Variants in GABRB3 observed in about 807,000 individuals in gnomAD.
The protein encoded by GABRB3 is gamma-aminobutyric acid type A receptor subunit beta3, also known as gamma-aminobutyric acid receptor subunit beta-3.
GABRB3 carries 14 observed loss-of-function variants against 52.1 expected under a neutral mutation model. The ratio of observed to expected loss-of-function variants is 0.27; its 90% CI spans 0.18 to 0.42. The LOEUF (loss-of-function observed/expected upper bound fraction) is 0.42, where lower values mean the gene tolerates loss of function less well. Among genes scored for constraint, GABRB3 ranks in the 10% least tolerant of loss-of-function variants. The probability of loss-of-function intolerance (pLI) is 1.00; values close to 1 mark genes in which losing one functional copy is unlikely to be tolerated. For missense variants in GABRB3, 307 were observed against 609.1 expected (o/e 0.50, Z 5.22); for synonymous variants, 260 against 232.3 (o/e 1.12, Z -1.08).
chr15:26,745,982 G>C (rs1036213082), intron 3 of GABRB3, among the ~76,000 whole-genome samples: 1 of 152,182 alleles, frequency 6.6e-6, no homozygotes. Flanking sequence ...CAATTGCTGG[G>C]TTGTAAGGTA....
chr15:26,760,801 A>ACGCG (rs1890796158), intron 3 of GABRB3, among the ~76,000 whole-genome samples: 2 of 96,924 alleles, frequency 2.1e-5, no homozygotes, highest in South Asian at 9.8e-4. Flanking sequence ...ACACACACAC[A>ACGCG]CGCGCACGCA....
intron 4 of GABRB3, among the ~76,000 whole-genome samples, chr15:26,585,648 T>C (rs2140743689): frequency 6.6e-6 from 1 of 152,358 alleles, no homozygotes; most frequent in Non-Finnish European, 1.5e-5. Flanking sequence ...GCATGCACCA[T>C]GCAGACATCA....
chr15:26,685,406 A>G (rs1440957202), intron 3 of GABRB3, among the ~76,000 whole-genome samples: 1 of 152,238 alleles, frequency 6.6e-6, no homozygotes, highest in East Asian at 1.9e-4. Context: ...ATGGGAAGAC[A>G]TAAAGATAGG....
At chr15:26,683,773 T>C (rs1271740641) in intron 3 of GABRB3, among the ~76,000 whole-genome samples, 1 of 151,966 alleles carries the variant, frequency 6.6e-6, no homozygotes, top group East Asian at 1.9e-4. Flanking sequence ...TAAAACTATA[T>C]AGGATTATAC....
intron 4 of GABRB3, among the ~76,000 whole-genome samples, chr15:26,591,149 T>A (rs748211314): frequency 1.3e-5 from 2 of 152,180 alleles, no homozygotes; most frequent in African/African-American, 4.8e-5. Flanking sequence ...GAGATGCTCA[T>A]TAACAACCCA....
intron 3 of GABRB3, among the ~76,000 whole-genome samples, chr15:26,626,871 G>A (rs1892716839): frequency 1.3e-5 from 2 of 152,246 alleles, no homozygotes; most frequent in South Asian, 4.1e-4. Context: ...AATCACTGAT[G>A]AAGGTGGTTA....
intron 3 of GABRB3, among the ~76,000 whole-genome samples, chr15:26,711,685 G>C (rs1282417597): frequency 6.6e-6 from 1 of 152,132 alleles, no homozygotes; most frequent in Non-Finnish European, 1.5e-5. Context: ...ACCAACCTGA[G>C]CTCCTGCCTG....
intron 3 of GABRB3, among the ~76,000 whole-genome samples, chr15:26,755,956 T>C (rs8032017): frequency 0.092 from 13,981 of 152,168 alleles, 911 homozygotes; most frequent in East Asian, 0.28. Flanking sequence ...CAAGGGAATA[T>C]TATACAGCCC....
intron 3 of GABRB3, among the ~76,000 whole-genome samples, chr15:26,694,477 CAAAGACAAAAGA>C (rs886485236): frequency 6.6e-6 from 1 of 152,114 alleles, no homozygotes; most frequent in Non-Finnish European, 1.5e-5. Context: ...TAGAGAAGCC[CAAAGACAAAAGA>C]GAAGACAAAA....
chr15:26,715,758 C>T lies in GABRB3; in HGVS notation c.240+56644G>A, dbSNP rs1008899700. On this transcript the variant is annotated intron_variant, in intron 3 of 8. Transcript: ENST00000311550. ...GTAGATTACTCTGATGCATCCCGTG[C>T]CTGAATCATCTGTTGTCTTGTGTGC... 5.3e-5 allele frequency among the ~76,000 whole-genome samples: 8 copies of T among 152,090 alleles called. No individual in the cohort carries two copies. The East Asian group carries it at 1.4e-3, about 26-fold the overall frequency.
chr15:26,703,256 G>A (rs1403966252), intron 3 of GABRB3, among the ~76,000 whole-genome samples: 1 of 152,148 alleles, frequency 6.6e-6, no homozygotes, highest in South Asian at 2.1e-4. Context: ...ACCGGCACCT[G>A]GTGGGGGCCT....
chr15:26,773,399 T>G (rs1334309826), upstream of GABRB3, among the ~76,000 whole-genome samples: 6 of 150,856 alleles, frequency 4.0e-5, no homozygotes, highest in Admixed American at 4.0e-4. Flanking sequence ...GGTCGTCCCC[T>G]GAGCCGGCTC....
chr15:26,568,757 C>A (rs1427090504), intron 6 of GABRB3, among the ~76,000 whole-genome samples: 1 of 151,454 alleles, frequency 6.6e-6, no homozygotes, highest in Non-Finnish European at 1.5e-5. Flanking sequence ...CTTTGTGATC[C>A]ACCCACCTCG....
Position 26,561,315 on chromosome 15 carries a change from A to G in GABRB3, c.836-139T>C, listed in dbSNP as rs1350999623. On this transcript the variant is annotated intron_variant, in intron 7 of 8. Coordinates refer to ENST00000311550, the MANE Select transcript of GABRB3 (RefSeq NM_000814.6). ...AATACTGTGGGGTGACTGGAATGCA[A>G]CAGAGCATACATCTTGTCATTTGCA... 16 of 1,163,934 alleles carry G rather than the reference A, an allele frequency of 1.4e-5. No individual in the cohort carries two copies. The East Asian group carries it at 3.5e-4, about 26-fold the overall frequency. The allele number at this position is 1,163,934 out of a possible 1,614,324, so 72.1% of individuals were successfully genotyped here.
At chr15:26,571,980 A>G (rs533063820) in intron 6 of GABRB3, among the ~76,000 whole-genome samples, 4 of 140,236 alleles carry the variant, frequency 2.9e-5, no homozygotes, top group African/African-American at 1.0e-4. Context: ...TGGGAGGCGG[A>G]GGTTGCAGTG....
intron 3 of GABRB3, among the ~76,000 whole-genome samples, chr15:26,681,497 T>C (rs1045312176): frequency 3.9e-5 from 6 of 152,168 alleles, no homozygotes; most frequent in South Asian, 2.1e-4. Flanking sequence ...AAAAGTCCCT[T>C]TGTCCCTCCT....
At chr15:26,714,180 G>A (rs993311637) in intron 3 of GABRB3, among the ~76,000 whole-genome samples, 3 of 152,224 alleles carry the variant, frequency 2.0e-5, no homozygotes, top group African/African-American at 7.2e-5. Context: ...TTCTTCCCTT[G>A]TAAAAAGAGC....
chr15:26,756,196 GCAGT>G (rs1441631063), intron 3 of GABRB3, among the ~76,000 whole-genome samples: 1 of 151,956 alleles, frequency 6.6e-6, no homozygotes, highest in African/African-American at 2.4e-5. Context: ...TTTTGTAGAA[GCAGT>G]CAAAGAGTAA....
intron 6 of GABRB3, among the ~76,000 whole-genome samples, chr15:26,574,374 C>T (rs2140715013): frequency 6.6e-6 from 1 of 152,102 alleles, no homozygotes; most frequent in African/African-American, 2.4e-5. Flanking sequence ...AGGATGTTAC[C>T]CTATATGACC....
Sources: allele counts gnomAD v4.1 joint callset (sites outside exome capture counted in the v4.1 genomes callset), GRCh38; gene constraint gnomAD v4.1.1; transcripts MANE v1.5; gene names NCBI Gene and HGNC (gene_info 2026-07-23, HGNC 2026-07-21).